The following DAB1 variants were observed in gnomAD, a reference collection of about 807,000 sequenced individuals.
DAB1 encodes disabled homolog 1.
A neutral mutation model predicts 64.6 loss-of-function variants in DAB1; 15 were observed. That is an observed-to-expected ratio of 0.23 (90% CI 0.16 to 0.36). The LOEUF is 0.36. DAB1 is among the 10% of genes least tolerant of loss of function. The pLI is 1.00. For synonymous variants in DAB1, 235 were observed against 251.9 expected (o/e 0.93, Z 0.64); for missense variants, 596 against 706.7 (o/e 0.84, Z 1.78).
In DAB1 at chr1:58,057,629, G is replaced by C. The variant is rs1397160865; in HGVS notation, n.387+92882C>G. On this transcript the variant is annotated intron_variant and non_coding_transcript_variant, in intron 5 of 20. Coordinates refer to the DAB1 transcript ENST00000485760. The stretch of plus-strand genomic sequence containing the variant: ...TAGCAACTGCTAGAAGATAGAGAGA[G>C]GCAAGGAAGGATTCTTCCCTAGAAT... Among the ~76,000 whole-genome samples, 3 of 152,168 alleles carry C rather than the reference G, an allele frequency of 2.0e-5. No homozygotes were observed. In the South Asian group the frequency reaches 6.2e-4, roughly 32 times the overall value.
chr1:57,924,890 T>G (rs935866663), intron 5 of DAB1, among the ~76,000 whole-genome samples: 3 of 152,100 alleles, frequency 2.0e-5, no homozygotes, highest in African/African-American at 7.2e-5. Context: ...ACATATACAG[T>G]CTCTCAGTAA....
At chr1:57,043,185 T>C (rs1217946222) in intron 9 of DAB1, among the ~76,000 whole-genome samples, 1 of 152,162 alleles carries the variant, frequency 6.6e-6, no homozygotes, top group East Asian at 1.9e-4. Context: ...CAATATCTGA[T>C]CAGGACCATT....
At chr1:58,304,837 G>A (rs1353217984) in intron 4 of DAB1, among the ~76,000 whole-genome samples, 2 of 152,030 alleles carry the variant, frequency 1.3e-5, no homozygotes, top group African/African-American at 4.8e-5. Context: ...TCACAATAAC[G>A]ATGATCATTT....
At chr1:57,363,836 CCACTG>C (rs1338346995) in intron 1 of DAB1, among the ~76,000 whole-genome samples, 1 of 152,134 alleles carries the variant, frequency 6.6e-6, no homozygotes, top group Non-Finnish European at 1.5e-5. Flanking sequence ...CTCAGCTGTT[CCACTG>C]CACCAGCTGC....
intron 9 of DAB1, among the ~76,000 whole-genome samples, chr1:57,034,022 C>A (rs931701279): frequency 2.6e-5 from 4 of 152,176 alleles, no homozygotes; most frequent in African/African-American, 9.7e-5. Context: ...TGGCTCACGC[C>A]TGTAATCCCA....
intron 4 of DAB1, among the ~76,000 whole-genome samples, chr1:58,196,837 T>C (rs1415680791): frequency 2.6e-5 from 4 of 152,186 alleles, no homozygotes; most frequent in Non-Finnish European, 4.4e-5. Flanking sequence ...GGGATTACAA[T>C]TTGCGATGAG....
intron 7 of DAB1, among the ~76,000 whole-genome samples, chr1:57,548,395 C>T (rs553944519): frequency 6.6e-6 from 1 of 152,258 alleles, no homozygotes; most frequent in East Asian, 1.9e-4. Context: ...CATTCTTAAT[C>T]ACCATAGAAG....
chr1:58,114,431 T>A (rs980140017), intron 5 of DAB1, among the ~76,000 whole-genome samples: 1 of 152,164 alleles, frequency 6.6e-6, no homozygotes, highest in Non-Finnish European at 1.5e-5. Flanking sequence ...TGGATAACAT[T>A]GAGAGAGATA....
chr1:57,485,384 T>C (rs1387658702), intron 7 of DAB1, among the ~76,000 whole-genome samples: 1 of 152,220 alleles, frequency 6.6e-6, no homozygotes, highest in Non-Finnish European at 1.5e-5. Flanking sequence ...GGTTTCCTGA[T>C]AAAGTGGGAT....
chr1:58,278,110 C>T (rs1661494082), intron 4 of DAB1, among the ~76,000 whole-genome samples: 1 of 152,148 alleles, frequency 6.6e-6, no homozygotes, highest in South Asian at 2.1e-4. Flanking sequence ...ATTGTAATCC[C>T]CATAATCCCC....
chr1:58,022,444 G>T (rs1339006872), intron 5 of DAB1, among the ~76,000 whole-genome samples: 1 of 152,164 alleles, frequency 6.6e-6, no homozygotes, highest in Non-Finnish European at 1.5e-5. Flanking sequence ...TGGCAGAGTA[G>T]ACCTGAGTTT....
chr1:57,934,472 G>C (rs1040510747), intron 5 of DAB1, among the ~76,000 whole-genome samples: 1 of 152,132 alleles, frequency 6.6e-6, no homozygotes, highest in African/African-American at 2.4e-5. Context: ...AAGCATTGCT[G>C]TTATAGTATG....
chr1:57,848,946 C>T (rs1653406248), intron 1 of DAB1, among the ~76,000 whole-genome samples: 1 of 152,190 alleles, frequency 6.6e-6, no homozygotes, highest in Non-Finnish European at 1.5e-5. Flanking sequence ...GAAAATGCTA[C>T]ATCAAGATTG....
At chr1:57,965,774 C>A (rs2100290045) in intron 5 of DAB1, among the ~76,000 whole-genome samples, 1 of 152,184 alleles carries the variant, frequency 6.6e-6, no homozygotes, top group South Asian at 2.1e-4. Context: ...AGGGAGCTCA[C>A]AATCTTTAGG....
At chr1:57,246,901 G>C (rs1176875018) in intron 2 of DAB1, among the ~76,000 whole-genome samples, 1 of 152,174 alleles carries the variant, frequency 6.6e-6, no homozygotes, top group Non-Finnish European at 1.5e-5. Context: ...TAGCCCTTTG[G>C]TTCTGGCCAA....
intron 6 of DAB1, among the ~76,000 whole-genome samples, chr1:57,779,172 G>A (rs1649952774): frequency 6.6e-6 from 1 of 152,106 alleles, no homozygotes; most frequent in African/African-American, 2.4e-5. Context: ...GTGGCCATTA[G>A]GATAGTCTTC....
intron 6 of DAB1, among the ~76,000 whole-genome samples, chr1:57,813,265 T>A (rs937882661): frequency 6.6e-6 from 1 of 152,234 alleles, no homozygotes; most frequent in Non-Finnish European, 1.5e-5. Context: ...GGCAAAATGA[T>A]AATCAATTCT....
chr1:57,899,597 C>T (rs973383133), intron 5 of DAB1, among the ~76,000 whole-genome samples: 5 of 152,034 alleles, frequency 3.3e-5, no homozygotes, highest in African/African-American at 1.2e-4. Context: ...CAAACATGCA[C>T]GGACCATCAC....
At chr1:57,237,442 A>G (rs1032651421) in intron 2 of DAB1, among the ~76,000 whole-genome samples, 2 of 152,196 alleles carry the variant, frequency 1.3e-5, no homozygotes, top group African/African-American at 4.8e-5. Context: ...GAATTTGTTT[A>G]CTTCTTTTCA....
Sources: allele counts gnomAD v4.1 joint callset (sites outside exome capture counted in the v4.1 genomes callset), GRCh38; gene constraint gnomAD v4.1.1; transcripts MANE v1.5; gene names NCBI Gene and HGNC (gene_info 2026-07-23, HGNC 2026-07-21).